The following PBX1 variants were observed in gnomAD, a reference collection of about 807,000 sequenced individuals.
The protein encoded by PBX1 is PBX homeobox 1.
PBX1 carries 6 observed loss-of-function variants against 53.4 expected under a neutral mutation model. The ratio of observed to expected loss-of-function variants is 0.11; its 90% CI spans 0.06 to 0.22. The LOEUF (loss-of-function observed/expected upper bound fraction) is 0.22. PBX1 is among the 10% of genes least tolerant of loss of function. The pLI, the probability that PBX1 is intolerant of heterozygous loss-of-function variation, is 1.00. For missense variants in PBX1, 251 were observed against 551.4 expected (o/e 0.46, Z 5.46); for synonymous variants, 204 against 212.3 (o/e 0.96, Z 0.34).
chr1:164,874,994 G>A (rs973103190), intron 2 of PBX1, among the ~76,000 whole-genome samples: 2 of 152,130 alleles, frequency 1.3e-5, no homozygotes, highest in Non-Finnish European at 2.9e-5. Context: ...ACAATCATAT[G>A]GAGTCTCATT....
intron 2 of PBX1, among the ~76,000 whole-genome samples, chr1:164,749,351 T>C (rs1434980972): frequency 2.0e-5 from 3 of 152,222 alleles, no homozygotes; most frequent in Non-Finnish European, 4.4e-5. Flanking sequence ...AACTGCTTAA[T>C]ATTTCTCAGA....
intron 2 of PBX1, among the ~76,000 whole-genome samples, chr1:164,603,929 A>ATTTT (rs71583414): frequency 0.051 from 3,858 of 75,340 alleles, 941 homozygotes; most frequent in East Asian, 0.25. Flanking sequence ...ATGTCATTTC[A>ATTTT]TTTTTTTTTT....
chr1:164,567,081 C>T (rs1324792364), intron 2 of PBX1, among the ~76,000 whole-genome samples: 19 of 152,156 alleles, frequency 1.2e-4, no homozygotes, highest in Admixed American at 9.8e-4. Context: ...TTATTATTCT[C>T]GCCTGCCACT....
chr1:164,650,469 G>A (rs919152732), intron 2 of PBX1, among the ~76,000 whole-genome samples: 1 of 151,904 alleles, frequency 6.6e-6, no homozygotes, highest in Non-Finnish European at 1.5e-5. Flanking sequence ...CAAGTGATCC[G>A]CCCGCCTCAG....
At chr1:164,736,807 TAGTGAG>T (rs1411359556) in intron 2 of PBX1, among the ~76,000 whole-genome samples, 1 of 152,160 alleles carries the variant, frequency 6.6e-6, no homozygotes, top group East Asian at 1.9e-4. Flanking sequence ...AGAGAAGAGC[TAGTGAG>T]AGTACTGTGT....
At chr1:164,861,389 C>T (rs1245148716) in intron 2 of PBX1, among the ~76,000 whole-genome samples, 2 of 152,130 alleles carry the variant, frequency 1.3e-5, no homozygotes, top group Non-Finnish European at 2.9e-5. Flanking sequence ...GAGATGATGA[C>T]CTGGATTGTC....
intron 2 of PBX1, among the ~76,000 whole-genome samples, chr1:164,763,638 T>C (rs561629620): frequency 6.6e-6 from 1 of 152,362 alleles, no homozygotes; most frequent in South Asian, 2.1e-4. Flanking sequence ...TAGATCTGAT[T>C]TGGAACATAG....
intron 2 of PBX1, among the ~76,000 whole-genome samples, chr1:164,654,776 T>C (rs1169592228): frequency 6.6e-6 from 1 of 152,228 alleles, no homozygotes; most frequent in African/African-American, 2.4e-5. Context: ...AGTCAGTCAA[T>C]GGAAGAACCA....
chr1:164,569,366 G>A (rs766272335), intron 2 of PBX1, among the ~76,000 whole-genome samples: 1 of 152,050 alleles, frequency 6.6e-6, no homozygotes, highest in Non-Finnish European at 1.5e-5. Context: ...GGTGATAGAT[G>A]TAAATTACAG....
intron 2 of PBX1, among the ~76,000 whole-genome samples, chr1:164,631,517 A>G (rs1658408682): frequency 6.6e-6 from 1 of 152,200 alleles, no homozygotes; most frequent in Non-Finnish European, 1.5e-5. Context: ...ATCCACATGG[A>G]GAGTGACAAG....
At chr1:164,790,080 C>T (rs1030471794) in intron 2 of PBX1, among the ~76,000 whole-genome samples, 19 of 151,964 alleles carry the variant, frequency 1.3e-4, no homozygotes, top group African/African-American at 4.1e-4. Context: ...GGCTGCTGGG[C>T]GCTGCTGCCA....
intron 2 of PBX1, among the ~76,000 whole-genome samples, chr1:164,665,446 G>A (rs1016036489): frequency 1.3e-5 from 2 of 151,998 alleles, no homozygotes; most frequent in Non-Finnish European, 2.9e-5. Context: ...CACTATGCCT[G>A]GCTAATTTTT....
At chr1:164,781,218 G>A (rs752589026) in intron 2 of PBX1, among the ~76,000 whole-genome samples, 22 of 152,118 alleles carry the variant, frequency 1.4e-4, no homozygotes, top group Non-Finnish European at 2.5e-4. Flanking sequence ...GCTAATTGGC[G>A]TGTGTTTTGA....
intron 2 of PBX1, among the ~76,000 whole-genome samples, chr1:164,863,058 T>A (rs1267619813): frequency 6.6e-6 from 1 of 152,176 alleles, no homozygotes; most frequent in Non-Finnish European, 1.5e-5. Context: ...CATTTGTTAT[T>A]GGTACAAGAG....
intron 2 of PBX1, among the ~76,000 whole-genome samples, chr1:164,740,695 A>C (rs566945431): frequency 5.3e-5 from 8 of 152,350 alleles, no homozygotes; most frequent in African/African-American, 1.9e-4. Context: ...ATGTGCATCT[A>C]TTATGTGCCA....
intron 2 of PBX1, among the ~76,000 whole-genome samples, chr1:164,766,741 T>TA (rs201679553): frequency 3.1e-4 from 44 of 142,592 alleles, no homozygotes; most frequent in African/African-American, 5.6e-4. Flanking sequence ...TTTATTTATT[T>TA]TTTTTTTTTT....
At chr1:164,839,668 T>C (rs1240019978) in intron 8 of PBX1, among the ~76,000 whole-genome samples, 4 of 152,202 alleles carry the variant, frequency 2.6e-5, no homozygotes, top group Admixed American at 2.6e-4. Flanking sequence ...GATTCTCACT[T>C]TGACAATGAA....
intron 2 of PBX1, among the ~76,000 whole-genome samples, chr1:164,616,659 A>G (rs1439889177): frequency 6.6e-6 from 1 of 152,218 alleles, no homozygotes; most frequent in Non-Finnish European, 1.5e-5. Context: ...AATACAAGGT[A>G]AGAACACTTC....
At chr1:164,771,174 T>C (rs1297339118) in intron 2 of PBX1, 2 of 152,160 alleles carry the variant, frequency 1.3e-5, no homozygotes, top group Non-Finnish European at 2.9e-5. Context: ...CCAGGTACTA[T>C]TTGAAAAATG....
Sources: allele counts gnomAD v4.1 joint callset (sites outside exome capture counted in the v4.1 genomes callset), GRCh38; gene constraint gnomAD v4.1.1; transcripts MANE v1.5; gene names NCBI Gene and HGNC (gene_info 2026-07-23, HGNC 2026-07-21).